The following AGPAT5 variants were observed in gnomAD, a reference collection of about 807,000 sequenced individuals.
AGPAT5 encodes 1-acyl-sn-glycerol-3-phosphate acyltransferase epsilon.
Under a neutral mutation model 45.6 loss-of-function variants are expected in AGPAT5, and 46 were observed. The ratio of observed to expected loss-of-function variants is 1.01; its 90% CI spans 0.80 to 1.29. The LOEUF (loss-of-function observed/expected upper bound fraction) is 1.29, where lower values mean the gene tolerates loss of function less well. Among genes scored for constraint, AGPAT5 ranks in the 50% most tolerant of loss-of-function variants. The probability of loss-of-function intolerance (pLI) is 0.00; values close to 1 mark genes in which losing one functional copy is unlikely to be tolerated. For synonymous variants in AGPAT5, 272 were observed against 167.0 expected (o/e 1.63, Z -4.85); for missense variants, 673 against 450.7 (o/e 1.49, Z -4.47).
At chr8:6,726,006 A>T (rs1800674685) in intron 2 of AGPAT5, among the ~76,000 whole-genome samples, 1 of 152,220 alleles carries the variant, frequency 6.6e-6, no homozygotes, top group Admixed American at 6.5e-5. Context: ...TTACATTCAG[A>T]TTTATAGGAC....
chr8:6,729,847 T>G (rs1800804669), intron 2 of AGPAT5, among the ~76,000 whole-genome samples: 2 of 152,230 alleles, frequency 1.3e-5, no homozygotes, highest in South Asian at 4.1e-4. Flanking sequence ...TATTTAACTA[T>G]AGTTATTAGC....
chr8:6,744,568 G>A (rs1417207517), intron 5 of AGPAT5, among the ~76,000 whole-genome samples: 2 of 152,118 alleles, frequency 1.3e-5, no homozygotes, highest in Non-Finnish European at 1.5e-5. Flanking sequence ...TCGGGGTCCT[G>A]TGCTTGGTCT....
At chr8:6,729,301 T>G (rs1344358195) in intron 2 of AGPAT5, among the ~76,000 whole-genome samples, 3 of 152,104 alleles carry the variant, frequency 2.0e-5, no homozygotes, top group Non-Finnish European at 2.9e-5. Flanking sequence ...TGGCTAAAAC[T>G]TTATTGTAAT....
chr8:6,747,361 G>A (rs1185605136), intron 5 of AGPAT5, among the ~76,000 whole-genome samples: 3 of 152,206 alleles, frequency 2.0e-5, no homozygotes, highest in South Asian at 2.1e-4. Flanking sequence ...GTGGCCAGAA[G>A]CGAGGGCACT....
At chr8:6,743,949 A>G (rs1240950540) in intron 5 of AGPAT5, among the ~76,000 whole-genome samples, 1 of 152,112 alleles carries the variant, frequency 6.6e-6, no homozygotes, top group Admixed American at 6.5e-5. Context: ...GATTGTAGAG[A>G]TTTGAGAGTT....
At chr8:6,720,733 T>C (rs530158594) in intron 1 of AGPAT5, among the ~76,000 whole-genome samples, 1 of 152,302 alleles carries the variant, frequency 6.6e-6, no homozygotes, top group East Asian at 1.9e-4. Flanking sequence ...ATTCAGTGAC[T>C]TTCTGGATTT....
intron 1 of AGPAT5, among the ~76,000 whole-genome samples, chr8:6,710,628 C>G (rs756900408): frequency 6.6e-6 from 1 of 152,146 alleles, no homozygotes; most frequent in Non-Finnish European, 1.5e-5. Flanking sequence ...TAATTATTTT[C>G]TGTTTAGTAA....
Position 6,758,208 on chromosome 8 carries a change from TG to T in AGPAT5, c.*821del, listed in dbSNP as rs572563203. The stretch of plus-strand genomic sequence containing the variant: ...AACGTTAAGGTTTTCTGTTTTGTTT[TG>T]TTTTTTTAATATCAAAAGAGTCGGT... On this transcript the variant is annotated 3_prime_UTR_variant, in exon 8 of 8. Coordinates refer to ENST00000285518, the MANE Select transcript of AGPAT5 (RefSeq NM_018361.5). The T allele has an allele frequency of 8.5e-5, 13 of 152,772 alleles. No homozygotes were observed. The South Asian group carries it at 2.7e-3, about 32-fold the overall frequency. The allele number at this position is 152,772 out of a possible 1,614,324, so 9.5% of individuals were successfully genotyped here. A position where few individuals can be genotyped will look rare whatever the true frequency, so the allele number is the denominator to read the frequency against.
intron 4 of AGPAT5, among the ~76,000 whole-genome samples, chr8:6,735,132 T>A (rs1213127191): frequency 1.3e-5 from 2 of 152,186 alleles, no homozygotes; most frequent in South Asian, 2.1e-4. Flanking sequence ...GTGCCCAGTA[T>A]GTATTCCTGC....
Position 6,760,231 on chromosome 8 carries a change from A to G in AGPAT5, c.*2843A>G, listed in dbSNP as rs1054744911. On this transcript the variant is annotated 3_prime_UTR_variant, in exon 8 of 8. Coordinates refer to ENST00000285518, the MANE Select transcript of AGPAT5 (RefSeq NM_018361.5). ...ACATATCGAGAACCTGTCTACAAAAAAATTAAAAAAAATTAGCCAGGCATG... is the reference window on the plus strand; with the variant it reads ...ACATATCGAGAACCTGTCTACAAAAGAATTAAAAAAAATTAGCCAGGCATG... 6.6e-6 allele frequency among the ~76,000 whole-genome samples: 1 copy of G among 152,106 alleles called. No individual in the cohort carries two copies. Among genetic ancestry groups the G allele is most frequent in the South Asian group, 2.1e-4 (1 of 4,816 alleles).
intron 1 of AGPAT5, among the ~76,000 whole-genome samples, chr8:6,717,619 C>T (rs775622402): frequency 6.6e-6 from 1 of 152,200 alleles, no homozygotes; most frequent in Non-Finnish European, 1.5e-5. Context: ...AGGAATACAA[C>T]TGTGTCCAAA....
chr8:6,736,777 T>C (rs1411805584), intron 4 of AGPAT5, among the ~76,000 whole-genome samples: 1 of 152,264 alleles, frequency 6.6e-6, no homozygotes, highest in Non-Finnish European at 1.5e-5. Context: ...CAGATGCACG[T>C]GAGACCTGCT....
chr8:6,745,205 GA>G (rs1313911382), intron 5 of AGPAT5: 1 of 154,326 alleles, frequency 6.5e-6, no homozygotes, highest in Non-Finnish European at 1.5e-5. Flanking sequence ...AAACTTTGGA[GA>G]AAAATTTTCT....
chr8:6,757,294 G>A lies in AGPAT5; in HGVS notation c.1001G>A (p.Gly334Asp). The A allele has an allele frequency of 6.2e-7, 1 of 1,614,206 alleles. No homozygotes were observed. Among genetic ancestry groups the A allele is most frequent in the Non-Finnish European group, 8.5e-7 (1 of 1,180,038 alleles). ...TTGATCTTAAGTGGTTTGACTGCAG[G>A]CATGCTTATGACCGATGCTGGAAGG... Reference protein sequence around the residue: ...SMLILSGLTAGMLMTDAGRKL... With the variant: ...SMLILSGLTADMLMTDAGRKL... The change falls in exon 8 of 8, where the codon GGC (glycine) becomes GAC (aspartate). Residue 334 changes from glycine (G) to aspartate (D), a missense_variant. Gly to Asp is a moderately conservative substitution (Grantham distance 94). Transcript: ENST00000285518.
At chr8:6,726,293 C>T (rs763378883) in intron 2 of AGPAT5, among the ~76,000 whole-genome samples, 11 of 152,182 alleles carry the variant, frequency 7.2e-5, no homozygotes, top group Non-Finnish European at 1.3e-4. Flanking sequence ...TCTGTGGGCC[C>T]AGTACAGGGA....
intron 2 of AGPAT5, among the ~76,000 whole-genome samples, chr8:6,726,770 A>AGG (rs1800701746): frequency 6.6e-6 from 1 of 152,042 alleles, no homozygotes; most frequent in South Asian, 2.1e-4. Flanking sequence ...CCTTCACCCT[A>AGG]CCTCCGAGTG....
intron 7 of AGPAT5, among the ~76,000 whole-genome samples, chr8:6,756,960 G>C (rs573295027): frequency 1.3e-5 from 2 of 152,186 alleles, no homozygotes; most frequent in Admixed American, 1.3e-4. Context: ...TACAATTCAT[G>C]TATACTAATC....
At chr8:6,710,247 G>A (rs189743273) in intron 1 of AGPAT5, among the ~76,000 whole-genome samples, 1 of 152,086 alleles carries the variant, frequency 6.6e-6, no homozygotes, top group Admixed American at 6.5e-5. Flanking sequence ...TTTTTAAATG[G>A]CTGTAAAACC....
In AGPAT5 at chr8:6,757,018, C is replaced by G. The variant is rs1447987587; in HGVS notation, c.870-145C>G. 14 of 627,984 alleles carry G rather than the reference C, an allele frequency of 2.2e-5. No individual in the cohort carries two copies. The East Asian group carries it at 3.6e-4, about 16-fold the overall frequency. 38.9% of individuals were successfully genotyped at this position (627,984 alleles called of 1,614,324 possible). On this transcript the variant is annotated intron_variant, in intron 7 of 7. Transcript: ENST00000285518. The stretch of plus-strand genomic sequence containing the variant: ...TAGAAGACTAGAAACTTCTATTAAA[C>G]CAAGTTTCTGGATGTTTCCGTATTC...
Sources: allele counts gnomAD v4.1 joint callset (sites outside exome capture counted in the v4.1 genomes callset), GRCh38; gene constraint gnomAD v4.1.1; transcripts MANE v1.5; gene names NCBI Gene and HGNC (gene_info 2026-07-23, HGNC 2026-07-21).